Variants in PLXNB2 observed in about 807,000 individuals in gnomAD.
PLXNB2 encodes the protein plexin-B2.
In PLXNB2, 85 loss-of-function variants were observed where a neutral mutation model predicts 202.6. The observed-to-expected ratio is 0.42, with a 90% CI of 0.35 to 0.50. The LOEUF is 0.50. Among genes scored for constraint, PLXNB2 ranks in the 20% least tolerant of loss-of-function variants. The pLI is 0.02. For missense variants in PLXNB2, 2,063 were observed against 2,586.2 expected, an observed-to-expected ratio of 0.80 and a Z score of 4.39; for synonymous variants, 1,239 against 1,137.6, an observed-to-expected ratio of 1.09 and a Z score of -1.79.
Position 50,281,181 on chromosome 22 carries a change from C to G in PLXNB2, c.3671G>C (p.Ser1224Thr). Reference sequence around the variant, plus strand: ...CTCATACTCTCGTTCGGCCTGCTGGCTCTTCCTCCTGCAAGGCACAGCGGG... The same window carrying G: ...CTCATACTCTCGTTCGGCCTGCTGGGTCTTCCTCCTGCAAGGCACAGCGGG... The part of the protein sequence containing the change: ...AVSVYCYWRK[S>T]QQAEREYEKI... Residue 1224 changes from serine to threonine, a missense_variant, in exon 23 of 37, where the codon AGC (serine) becomes ACC (threonine). Transcript: ENST00000359337. The G allele has an allele frequency of 6.2e-7, 1 of 1,612,308 alleles. No individual in the cohort carries two copies. The highest frequency in any genetic ancestry group is 8.5e-7 in the Non-Finnish European group (1 of 1,179,580).
rs533727136 is a variant in PLXNB2 at position 50,297,780 on chromosome 22, G to C, written c.-73-3002C>G. Among the ~76,000 whole-genome samples, 1 of 152,318 alleles carries C rather than the reference G, an allele frequency of 6.6e-6. No individual in the cohort carries two copies. The highest frequency in any genetic ancestry group is 2.1e-4 in the South Asian group (1 of 4,822). On this transcript the variant is annotated intron_variant, in intron 1 of 36. Transcript: ENST00000359337. This position sits in a 1 kb window ranked among gnomAD's most constrained non-coding sequence, Gnocchi z 5.3. ...CTCTGTCACGTTCTAGCTGGCTCAT[G>C]TGGGCCATTCAGAAAGCTGCTCTGT...
At chr22:50,300,152 G>T in intron 1 of PLXNB2, 1 of 574,408 alleles carries the variant, frequency 1.7e-6, no homozygotes, top group Non-Finnish European at 2.2e-6. Flanking sequence ...GCCGCCTCTG[G>T]GACAAACCTC....
chr22:50,283,504 C>T, intron 15 of PLXNB2, 59 bp from the exon 16 acceptor site: 7 of 1,528,656 alleles, frequency 4.6e-6, no homozygotes, highest in Non-Finnish European at 5.4e-6. Context: ...CACCCTGACA[C>T]CCTCACCCCC....
intron 1 of PLXNB2, among the ~76,000 whole-genome samples, 180 bp from the exon 2 acceptor site, chr22:50,294,958 C>A (rs767904712): frequency 2.0e-5 from 3 of 152,234 alleles, no homozygotes; most frequent in Non-Finnish European, 4.4e-5. Context: ...GGGCTCCTGG[C>A]ACTCCCCTCT....
chr22:50,295,606 G>A (rs898829162), intron 1 of PLXNB2, among the ~76,000 whole-genome samples: 3 of 152,154 alleles, frequency 2.0e-5, no homozygotes, highest in African/African-American at 7.2e-5. Flanking sequence ...CCCACAGGGA[G>A]GCACAGACCC....
In PLXNB2 at chr22:50,280,089, C is replaced by G; in HGVS notation, c.4176-18G>C. ...TCTCAGACCTGGGGGTGCAGGGAGG[C>G]CTTGTACCGAGTGACCCCGTAGTAT... is the stretch of plus-strand genomic sequence containing the variant. On this transcript the variant is annotated intron_variant, in intron 25 of 36. Coordinates refer to ENST00000359337, the MANE Select transcript of PLXNB2 (RefSeq NM_012401.4). The G allele has an allele frequency of 6.3e-7, 1 of 1,582,348 alleles. No individual in the cohort carries two copies. Among genetic ancestry groups the G allele is most frequent in the Non-Finnish European group, 8.6e-7 (1 of 1,165,630 alleles).
chr22:50,279,548 G>A (rs1407257319), intron 27 of PLXNB2, 82 bp downstream of exon 27: 24 of 1,358,798 alleles, frequency 1.8e-5, no homozygotes, highest in Non-Finnish European at 2.2e-5. Flanking sequence ...TGGCCTGTGG[G>A]TCCCATCTGT....
Position 50,294,791 on chromosome 22 carries a change from G to A in PLXNB2, c.-73-13C>T. On this transcript the variant is annotated splice_polypyrimidine_tract_variant and intron_variant, in intron 1 of 36. Transcript: ENST00000359337. ...GCATCGAGATTCTCTAGGAGGCAAA[G>A]GAGAGACGCCGGTCACAAGAGGAGC... 1.0e-6 allele frequency: 1 copy of A among 984,992 alleles called. No homozygotes were observed. The highest frequency in any genetic ancestry group is 1.2e-6 in the Non-Finnish European group (1 of 829,442). 61.0% of individuals were successfully genotyped at this position (984,992 alleles called of 1,614,324 possible). A position where few individuals can be genotyped will look rare whatever the true frequency, so the allele number is the denominator to read the frequency against.
intron 1 of PLXNB2, among the ~76,000 whole-genome samples, chr22:50,296,524 T>C (rs1043858821): frequency 5.8e-5 from 8 of 139,002 alleles, no homozygotes; most frequent in Admixed American, 3.2e-4. Context: ...GCGGATCACC[T>C]GAGGCTGCAG....
rs2066187352 is a variant in PLXNB2, at chr22:50,283,600, A to T, written c.2570+2T>A. 1 of 1,610,354 alleles carries T rather than the reference A, an allele frequency of 6.2e-7. No individual in the cohort carries two copies. Among genetic ancestry groups the T allele is most frequent in the African/African-American group, 1.4e-5 (1 of 74,058 alleles). On this transcript the variant is annotated splice_donor_variant, in intron 15 of 36. Coordinates refer to ENST00000359337, the MANE Select transcript of PLXNB2 (RefSeq NM_012401.4). LOFTEE classifies it high-confidence loss of function. ...GGGCCCAGACCAGGGCCGTCCACTCACCGGGTGGACACGGAGTAACGTTCC... is the reference window on the plus strand; with the variant it reads ...GGGCCCAGACCAGGGCCGTCCACTCTCCGGGTGGACACGGAGTAACGTTCC...
Position 50,282,774 on chromosome 22 carries a change from A to G in PLXNB2, c.2924T>C (p.Ile975Thr). The G allele has an allele frequency of 6.3e-7, 1 of 1,593,994 alleles. No individual in the cohort carries two copies. Among genetic ancestry groups the G allele is most frequent in the Non-Finnish European group, 8.5e-7 (1 of 1,174,022 alleles). The change falls in exon 18 of 37, where the codon ATC becomes ACC. Residue 975 changes from isoleucine (I) to threonine (T), a missense_variant. Around this residue, in one of 2 missense-constraint regions of PLXNB2, gnomAD observed 1,303 missense variants for 1,476.8 expected, o/e 0.88. Transcript: ENST00000359337. ...YGGSPVPNPG[I>T]FFTYRENPVL... ...GGGGTTTTCGCGGTAGGTGAAGAAG[A>G]TGCCGGGGTTGGGCACGGGGGACCC...
In PLXNB2 at chr22:50,289,773, A is replaced by C; in HGVS notation, c.812T>G (p.Ile271Ser). The change falls in exon 3 of 37, where the codon ATC (isoleucine) becomes AGC (serine). Residue 271 changes from isoleucine (I) to serine (S), a missense_variant. This residue lies in a region of PLXNB2 where 1,303 missense variants were observed against 1,476.8 expected (regional missense o/e 0.88). Transcript: ENST00000359337. This position sits in a 1 kb window ranked among gnomAD's most constrained non-coding sequence, Gnocchi z 8.0. Reference protein sequence around the residue: ...EMDLQCRDPDIHAAAFGTCLA... With the variant: ...EMDLQCRDPDSHAAAFGTCLA... ...GCAGGTGCCAAAGGCAGCGGCGTGG[A>C]TGTCGGGGTCCCGGCACTGCAGGTC... 1.9e-6 allele frequency: 3 copies of C among 1,613,002 alleles called. No homozygotes were observed. Among genetic ancestry groups the C allele is most frequent in the South Asian group, 2.2e-5 (2 of 91,088 alleles).
chr22:50,302,131 G>A (rs983220994), intron 1 of PLXNB2, among the ~76,000 whole-genome samples: 4 of 152,160 alleles, frequency 2.6e-5, no homozygotes, highest in African/African-American at 9.7e-5. Context: ...TGGGGGCAGG[G>A]CCGTCTCAGC....
At chr22:50,278,790 C>A in intron 28 of PLXNB2, 65 bp downstream of exon 28, 1 of 1,594,248 alleles carries the variant, frequency 6.3e-7, no homozygotes, top group South Asian at 1.1e-5. Flanking sequence ...AGGCAGGATA[C>A]CGCCCCAGGA....
At chr22:50,299,889 A>T (rs1415955794) in intron 1 of PLXNB2, among the ~76,000 whole-genome samples, 2 of 152,120 alleles carry the variant, frequency 1.3e-5, no homozygotes, top group Non-Finnish European at 2.9e-5. Context: ...TATTCCTCGC[A>T]GGCCGACCCA....
In PLXNB2 at chr22:50,278,050, G is replaced by A. The variant is rs201995657; in HGVS notation, c.4888-37C>T. On this transcript the variant is annotated intron_variant, in intron 31 of 36. Transcript: ENST00000359337. ...AGGGTCTCAGCGTGACGCCGTGGGC[G>A]CGGCTCCTGGGGGGGAGGGTCTCAG... 1.2e-4 allele frequency: 190 copies of A among 1,589,620 alleles called. No homozygotes were observed. In the African/African-American group the frequency reaches 1.8e-3, roughly 15 times the overall value.
chr22:50,290,088 C>G lies in PLXNB2; in HGVS notation c.497G>C (p.Arg166Pro). The change falls in exon 3 of 37, where the codon CGC (arginine) becomes CCC (proline). Residue 166 changes from arginine to proline, a missense_variant. Around this residue, in one of 2 missense-constraint regions of PLXNB2, gnomAD observed 1,303 missense variants for 1,476.8 expected, o/e 0.88. Transcript: ENST00000359337. ...LVSSTGPGGD[R>P]VLFVGKGNGP... is the part of the protein sequence containing the mutation. ...ATTGCCTTTGCCCACAAACAGCACG[C>G]GGTCACCACCAGGACCCGTGGAGCT... is the stretch of plus-strand genomic sequence containing the variant. 2 of 1,613,222 alleles carry G rather than the reference C, an allele frequency of 1.2e-6. No homozygotes were observed. The highest frequency in any genetic ancestry group is 1.7e-6 in the Non-Finnish European group (2 of 1,180,016).
rs978700987 is a variant in PLXNB2 at position 50,275,969 on chromosome 22, G to A, written c.5338-6C>T. On this transcript the variant is annotated splice_region_variant and splice_polypyrimidine_tract_variant and intron_variant, in intron 35 of 36. Coordinates refer to ENST00000359337, the MANE Select transcript of PLXNB2 (RefSeq NM_012401.4). ...TTCAAGGAGTCCGTGTGCGCCTGGGGGGTGACGGGACAGTCAGGGTGGAAA... is the reference window on the plus strand; with the variant it reads ...TTCAAGGAGTCCGTGTGCGCCTGGGAGGTGACGGGACAGTCAGGGTGGAAA... 8 of 1,612,168 alleles carry A rather than the reference G, an allele frequency of 5.0e-6. No homozygotes were observed. In the African/African-American group the frequency reaches 9.3e-5, roughly 19 times the overall value.
chr22:50,286,099 C>T lies in PLXNB2; in HGVS notation c.1878-1G>A. On this transcript the variant is annotated splice_acceptor_variant, in intron 9 of 36. Coordinates refer to ENST00000359337, the MANE Select transcript of PLXNB2 (RefSeq NM_012401.4). LOFTEE classifies it high-confidence loss of function. Reference sequence around the variant, plus strand: ...GCGGTTGCTCACGCAGGAGATGCACCTGCATCCAGAGGGGATCGTGAGCAG... The same window carrying T: ...GCGGTTGCTCACGCAGGAGATGCACTTGCATCCAGAGGGGATCGTGAGCAG... 1 of 1,612,256 alleles carries T rather than the reference C, an allele frequency of 6.2e-7. No homozygotes were observed. The highest frequency in any genetic ancestry group is 1.7e-5 in the Admixed American group (1 of 60,030).
Sources: gnomAD v4.1 joint callset for allele counts (sites outside exome capture counted in the v4.1 genomes callset) on GRCh38, gnomAD v4.1.1 for gene constraint, gnomAD v4.1.1 regional missense constraint, Gnocchi (gnomAD v3.1) non-coding constraint, MANE v1.5 for transcripts, NCBI Gene and HGNC (gene_info 2026-07-23, HGNC 2026-07-21) for gene names.